MPHOSPH9: variants seen among roughly 807,000 people sequenced by gnomAD.
The protein encoded by MPHOSPH9 is M-phase phosphoprotein 9.
A neutral mutation model predicts 145.5 loss-of-function variants in MPHOSPH9; 88 were observed. That is an observed-to-expected ratio of 0.60 (90% confidence interval 0.51 to 0.72). The LOEUF (loss-of-function observed/expected upper bound fraction) is 0.72, where lower values mean the gene tolerates loss of function less well. Ranked by LOEUF, MPHOSPH9 falls within the 30% of genes least tolerant of loss-of-function variation. MPHOSPH9 has a pLI of 0.00. For missense variants in MPHOSPH9, 1,238 were observed against 1,386.6 expected (o/e 0.89, Z 1.70); for synonymous variants, 435 against 486.2 (o/e 0.89, Z 1.39).
chr12:123,205,687 G>C (rs924352896), intron 8 of MPHOSPH9, among the ~76,000 whole-genome samples: 1 of 152,176 alleles, frequency 6.6e-6, no homozygotes, highest in Non-Finnish European at 1.5e-5. Context: ...CTGGTGGTCT[G>C]GGGGAATAGT....
At chr12:123,153,219 A>T (rs895258694), downstream of MPHOSPH9, 7 of 152,210 alleles carry the variant, frequency 4.6e-5, no homozygotes, top group African/African-American at 1.7e-4. Context: ...CTATATTTAT[A>T]CCAAATAACC....
chr12:123,239,735 C>G (rs923547290), intron 1 of MPHOSPH9, among the ~76,000 whole-genome samples: 1 of 152,192 alleles, frequency 6.6e-6, no homozygotes, highest in African/African-American at 2.4e-5. Context: ...CACCACTGTT[C>G]TAGAACATTA....
intron 7 of MPHOSPH9, among the ~76,000 whole-genome samples, chr12:123,212,791 T>C (rs1399948389): frequency 8.1e-6 from 1 of 123,694 alleles, no homozygotes; most frequent in African/African-American, 2.6e-5. Flanking sequence ...TTTTTTACTT[T>C]ATCATGGTGC....
chr12:123,173,194 C>G (rs369121816), intron 16 of MPHOSPH9, among the ~76,000 whole-genome samples: 79 of 152,222 alleles, frequency 5.2e-4, no homozygotes, highest in African/African-American at 1.8e-3. Context: ...CTCGAGTACC[C>G]TCTGAATGGG....
chr12:123,158,873 T>C (rs2695481), intron 23 of MPHOSPH9, among the ~76,000 whole-genome samples: 96,599 of 152,126 alleles, frequency 0.63, 35,262 homozygotes, highest in East Asian at 0.97. Flanking sequence ...TCAAGTGATC[T>C]GCCCACCTTG....
chr12:123,162,110 G>A lies in MPHOSPH9; in HGVS notation c.3133+5C>T. The A allele has an allele frequency of 6.6e-7, 1 of 1,514,838 alleles. No individual in the cohort carries two copies. The highest frequency in any genetic ancestry group is 8.9e-7 in the Non-Finnish European group (1 of 1,118,738). The allele number at this position is 1,514,838 out of a possible 1,614,324, so 93.8% of individuals were successfully genotyped here. ...CCATAACTAATATTTTTTAGGAAAA[G>A]ATACCTTCCGAGTCATCTAGAGGAA... is the stretch of plus-strand genomic sequence containing the variant. On this transcript the variant is annotated splice_donor_5th_base_variant and intron_variant, in intron 21 of 23. Coordinates refer to ENST00000606320, the MANE Select transcript of MPHOSPH9 (RefSeq NM_022782.4).
intron 16 of MPHOSPH9, among the ~76,000 whole-genome samples, chr12:123,175,276 G>C (rs1248859613): frequency 6.6e-6 from 1 of 151,640 alleles, no homozygotes; most frequent in Non-Finnish European, 1.5e-5. Flanking sequence ...TCAGCCTCCG[G>C]AGTAGCTGGG....
At chr12:123,172,708 CA>C (rs1274309926) in intron 16 of MPHOSPH9, among the ~76,000 whole-genome samples, 3 of 152,092 alleles carry the variant, frequency 2.0e-5, no homozygotes, top group African/African-American at 7.2e-5. Flanking sequence ...ATTCTTTACT[CA>C]GGGGCCTCAC....
chr12:123,175,821 T>TA (rs75867409), intron 16 of MPHOSPH9, among the ~76,000 whole-genome samples: 1,610 of 131,764 alleles, frequency 0.012, 27 homozygotes, highest in African/African-American at 0.04. Flanking sequence ...ATCTTTTCTT[T>TA]AAAAAAAAAA....
At chr12:123,224,425 C>A (rs1048224842) in intron 3 of MPHOSPH9, among the ~76,000 whole-genome samples, 4 of 151,952 alleles carry the variant, frequency 2.6e-5, no homozygotes, top group African/African-American at 9.7e-5. Flanking sequence ...TGAGCCACTG[C>A]ACCCAGCCGA....
In MPHOSPH9 at chr12:123,154,322, A is replaced by G. The variant is rs190329609; in HGVS notation, c.*2485T>C. The G allele has an allele frequency of 8.1e-4, 123 of 151,932 alleles. 1 individual carries two copies. Among genetic ancestry groups the G allele is most frequent in the African/African-American group, 2.8e-3 (114 of 41,420 alleles). 9.4% of individuals were successfully genotyped at this position (151,932 alleles called of 1,614,324 possible). A position where few individuals can be genotyped will look rare whatever the true frequency, so the allele number is the denominator to read the frequency against. ...ATAATAGCTGCTATTTAGAATTGCC[A>G]TCTTTCCTGCTTTTAGGTGGAGTGT... On this transcript the variant is annotated 3_prime_UTR_variant, in exon 24 of 24. Transcript: ENST00000606320.
Position 123,226,196 on chromosome 12 carries a change from A to G in MPHOSPH9, c.258+1267T>C, listed in dbSNP as rs138695128. 1,588 of 328,476 alleles carry G rather than the reference A, an allele frequency of 4.8e-3. 24 individuals carry two copies. Among genetic ancestry groups the G allele is most frequent in the African/African-American group, 0.032 (1,483 of 46,050 alleles). The allele number at this position is 328,476 out of a possible 1,614,324, so 20.3% of individuals were successfully genotyped here. A position where few individuals can be genotyped will look rare whatever the true frequency, so the allele number is the denominator to read the frequency against. ...CTGATTATTATATGCAAACAAGCATAAAGTATAAAAACTGAAAACTCAATT... is the reference window on the plus strand; with the variant it reads ...CTGATTATTATATGCAAACAAGCATGAAGTATAAAAACTGAAAACTCAATT... On this transcript the variant is annotated intron_variant, in intron 3 of 23. Coordinates refer to ENST00000606320, the MANE Select transcript of MPHOSPH9 (RefSeq NM_022782.4).
chr12:123,183,561 A>AAG (rs1201070976), intron 13 of MPHOSPH9, among the ~76,000 whole-genome samples: 6 of 151,296 alleles, frequency 4.0e-5, no homozygotes, highest in Non-Finnish European at 7.4e-5. Context: ...AAAAAAAAAA[A>AAG]AAAAAAAAAG....
At chr12:123,208,907 AAGTGGAATTTTTAATTCCACTTT>A (rs2046570819) in intron 8 of MPHOSPH9, among the ~76,000 whole-genome samples, 1 of 151,970 alleles carries the variant, frequency 6.6e-6, no homozygotes, top group African/African-American at 2.4e-5. Context: ...AATTTTTTAA[AAGTGGAATTTTTAATTCCACTTT>A]TTTCTGTTGT....
rs773635938 is a variant in MPHOSPH9, at chr12:123,202,640, G to C, written c.1765C>G (p.Pro589Ala). The C allele has an allele frequency of 1.5e-5, 24 of 1,613,264 alleles. No homozygotes were observed. Among genetic ancestry groups the C allele is most frequent in the Non-Finnish European group, 2.0e-5 (23 of 1,179,476 alleles). Residue 589 changes from proline (P) to alanine (A), a missense_variant, in exon 10 of 24, where the codon CCT becomes GCT. Around this residue, in one of 3 missense-constraint regions of MPHOSPH9, gnomAD observed 837 missense variants for 897.5 expected, o/e 0.93. Coordinates refer to ENST00000606320, the MANE Select transcript of MPHOSPH9 (RefSeq NM_022782.4). ...ECISLTSLED[P>A]VILSKIRQNL... ...AATACATACTTAGACAATATCACAG[G>C]ATCTTCCAAGGAAGTCAATGAAATG... is the stretch of plus-strand genomic sequence containing the variant.
intron 14 of MPHOSPH9, among the ~76,000 whole-genome samples, 160 bp from the exon 15 acceptor site, chr12:123,180,150 G>A (rs935208428): frequency 2.0e-5 from 3 of 151,892 alleles, no homozygotes; most frequent in Admixed American, 6.6e-5. Flanking sequence ...AACAGTTCAA[G>A]GAAAACAAAT....
chr12:123,218,354 G>C, intron 6 of MPHOSPH9, 22 bp downstream of exon 6: 1 of 1,613,506 alleles, frequency 6.2e-7, no homozygotes, highest in Non-Finnish European at 8.5e-7. Flanking sequence ...GGAGCCCGCA[G>C]GGAAAGTGAC....
At chr12:123,206,920 A>C (rs2046460894) in intron 8 of MPHOSPH9, among the ~76,000 whole-genome samples, 1 of 141,748 alleles carries the variant, frequency 7.1e-6, no homozygotes, top group African/African-American at 2.7e-5. Flanking sequence ...CTCAAAAAAA[A>C]AGTTATATAA....
In MPHOSPH9 at chr12:123,221,864, T is replaced by C; in HGVS notation, c.380A>G (p.Lys127Arg). Residue 127 changes from lysine (K) to arginine (R), a missense_variant, in exon 5 of 24, where the codon AAA becomes AGA. Transcript: ENST00000606320. The stretch of plus-strand genomic sequence containing the variant: ...TAAGGAAGCACTACTAGTCTGTAAT[T>C]TGACTAAATTTTTTATCTCCTCCTG... ...HIQEEIKNLV[K>R]LQTSSASLAS... 6.3e-7 allele frequency: 1 copy of C among 1,588,068 alleles called. No individual in the cohort carries two copies. The highest frequency in any genetic ancestry group is 1.1e-5 in the South Asian group (1 of 87,796).
Sources: gnomAD v4.1 joint callset for allele counts (sites outside exome capture counted in the v4.1 genomes callset) on GRCh38, gnomAD v4.1.1 for gene constraint, gnomAD v4.1.1 regional missense constraint, MANE v1.5 for transcripts, NCBI Gene and HGNC (gene_info 2026-07-23, HGNC 2026-07-21) for gene names.